The following EGFR variants were observed in gnomAD, a reference collection of about 807,000 sequenced individuals.
EGFR encodes epidermal growth factor receptor.
EGFR carries 58 observed loss-of-function variants against 143.0 expected under a neutral mutation model. The observed-to-expected ratio is 0.41, with a 90% confidence interval of 0.33 to 0.50. The LOEUF (loss-of-function observed/expected upper bound fraction) is 0.50. Among genes scored for constraint, EGFR ranks in the 20% least tolerant of loss-of-function variants. The pLI is 0.39. For synonymous variants in EGFR, 613 were observed against 594.4 expected (o/e 1.03, Z -0.45); for missense variants, 1,307 against 1,579.0 (o/e 0.83, Z 2.92).
intron 26 of EGFR, 23 bp from the exon 27 acceptor site, chr7:55,202,494 C>A: frequency 5.1e-6 from 8 of 1,575,556 alleles, no homozygotes; most frequent in Non-Finnish European, 6.9e-6. Flanking sequence ...ACCGGAGTAA[C>A]CTTCCCTCAT....
chr7:55,041,622 T>C (rs1787906081), intron 1 of EGFR, among the ~76,000 whole-genome samples: 1 of 152,222 alleles, frequency 6.6e-6, no homozygotes, highest in African/African-American at 2.4e-5. Context: ...CATCAATGTA[T>C]TTAAAAACAA....
chr7:55,141,923 A>G (rs2128925794), intron 1 of EGFR, among the ~76,000 whole-genome samples: 1 of 152,290 alleles, frequency 6.6e-6, no homozygotes, highest in African/African-American at 2.4e-5. Context: ...ATTTTCATAG[A>G]ATTTTCATCT....
chr7:55,211,250 C>T lies in EGFR; in HGVS notation c.*5633C>T, dbSNP rs1788229779. On this transcript the variant is annotated 3_prime_UTR_variant, in exon 28 of 28. Coordinates refer to ENST00000275493, the MANE Select transcript of EGFR (RefSeq NM_005228.5). ...TACTTATCTTTAAAAAAAAAGGAAT[C>T]CTATGACCTGATTTGGCCACAAAAA... The T allele has an allele frequency of 6.6e-6, 1 of 152,140 alleles. No homozygotes were observed. The highest frequency in any genetic ancestry group is 1.5e-5 in the Non-Finnish European group (1 of 68,028). The allele number at this position is 152,140 out of a possible 1,614,324, so 9.4% of individuals were successfully genotyped here.
intron 1 of EGFR, among the ~76,000 whole-genome samples, chr7:55,062,381 TA>T (rs1156447949): frequency 6.6e-6 from 1 of 152,184 alleles, no homozygotes; most frequent in African/African-American, 2.4e-5. Context: ...CTGAAAAGGT[TA>T]AACAGTAGAG....
At chr7:55,169,692 G>A (rs895598530) in intron 15 of EGFR, among the ~76,000 whole-genome samples, 53 of 152,184 alleles carry the variant, frequency 3.5e-4, no homozygotes, top group African/African-American at 1.1e-3. Flanking sequence ...CCTCATCAGC[G>A]TCAGCAGGAG....
At position 55,038,251 on chromosome 7, in the gene EGFR, G is replaced by T. The variant is rs73420737; in HGVS notation, c.88+18886G>T. ...CTTGTGGACCCACAGAGACACACTC[G>T]CCCCAGTTTGAAGGCTGCTAACTTG... On this transcript the variant is annotated intron_variant, in intron 1 of 27. Transcript: ENST00000275493. Among the ~76,000 whole-genome samples, 770 of 152,274 alleles carry T rather than the reference G, an allele frequency of 5.1e-3. 10 individuals are homozygous for T. Among genetic ancestry groups the T allele is most frequent in the African/African-American group, 0.018 (743 of 41,542 alleles).
chr7:55,121,963 C>T (rs536341348), intron 1 of EGFR, among the ~76,000 whole-genome samples: 43 of 152,288 alleles, frequency 2.8e-4, no homozygotes, highest in African/African-American at 8.2e-4. Flanking sequence ...CTCTTTAATC[C>T]GCATTAGGGG....
chr7:55,098,826 A>T (rs952377920), intron 1 of EGFR, among the ~76,000 whole-genome samples: 1 of 152,218 alleles, frequency 6.6e-6, no homozygotes, highest in South Asian at 2.1e-4. Context: ...TCAACAAAGT[A>T]GTTGAAATAG....
chr7:55,035,502 G>A (rs1397401868), intron 1 of EGFR, among the ~76,000 whole-genome samples: 11 of 130,012 alleles, frequency 8.5e-5, no homozygotes, highest in East Asian at 2.9e-4. Flanking sequence ...GCAAAACCCC[G>A]TCTTCACTAA....
At chr7:55,138,451 C>T (rs1006694421) in intron 1 of EGFR, among the ~76,000 whole-genome samples, 1 of 152,126 alleles carries the variant, frequency 6.6e-6, no homozygotes, top group African/African-American at 2.4e-5. Context: ...TTATGTAATC[C>T]TTAAAGTACT....
At chr7:55,109,012 T>C (rs1437688386) in intron 1 of EGFR, among the ~76,000 whole-genome samples, 3 of 152,154 alleles carry the variant, frequency 2.0e-5, no homozygotes, top group Non-Finnish European at 4.4e-5. Flanking sequence ...CGGTCATTGC[T>C]CAGTGAGACT....
intron 1 of EGFR, among the ~76,000 whole-genome samples, chr7:55,029,998 C>A (rs891304329): frequency 1.3e-5 from 2 of 152,124 alleles, no homozygotes; most frequent in Non-Finnish European, 2.9e-5. Flanking sequence ...TACACAATGC[C>A]TTAACATTCT....
intron 1 of EGFR, among the ~76,000 whole-genome samples, chr7:55,083,889 G>A (rs1258702813): frequency 6.6e-6 from 1 of 152,144 alleles, no homozygotes; most frequent in Admixed American, 6.5e-5. Context: ...CAGGTTTTTG[G>A]AATACAAGAA....
intron 1 of EGFR, among the ~76,000 whole-genome samples, chr7:55,065,427 C>T (rs1466809150): frequency 6.6e-6 from 1 of 152,162 alleles, no homozygotes; most frequent in African/African-American, 2.4e-5. Flanking sequence ...AATTTACTCA[C>T]TAGAAGTATC....
chr7:55,047,366 T>G (rs142408442), intron 1 of EGFR, among the ~76,000 whole-genome samples: 1 of 152,264 alleles, frequency 6.6e-6, no homozygotes, highest in Non-Finnish European at 1.5e-5. Context: ...AAAAATGCCC[T>G]GAAAAGAGAG....
chr7:55,061,142 G>A (rs1370672983), intron 1 of EGFR, among the ~76,000 whole-genome samples: 1 of 152,200 alleles, frequency 6.6e-6, no homozygotes, highest in Non-Finnish European at 1.5e-5. Context: ...TACTTAAGGG[G>A]AATTCAATGG....
At chr7:55,143,242 T>C (rs2128927013) in intron 2 of EGFR, 63 bp from the exon 3 acceptor site, 1 of 1,601,064 alleles carries the variant, frequency 6.2e-7, no homozygotes, top group Non-Finnish European at 8.5e-7. Flanking sequence ...TGGACCCATT[T>C]TAGACCTTGA....
chr7:55,128,802 G>T (rs898719585), intron 1 of EGFR, among the ~76,000 whole-genome samples: 5 of 152,126 alleles, frequency 3.3e-5, no homozygotes, highest in Admixed American at 6.5e-5. Flanking sequence ...AAACCTAGGG[G>T]AGACCAAAGC....
chr7:55,051,097 C>T (rs1788463519), intron 1 of EGFR, among the ~76,000 whole-genome samples: 1 of 152,194 alleles, frequency 6.6e-6, no homozygotes, highest in East Asian at 1.9e-4. Context: ...GCCTTTGGTG[C>T]TGGCCCATGG....
Sources: allele counts gnomAD v4.1 joint callset (sites outside exome capture counted in the v4.1 genomes callset), GRCh38; gene constraint gnomAD v4.1.1; transcripts MANE v1.5; gene names NCBI Gene and HGNC (gene_info 2026-07-23, HGNC 2026-07-21).